The following MAST2 variants were observed in gnomAD, a reference collection of about 807,000 sequenced individuals.
MAST2 encodes microtubule-associated serine/threonine-protein kinase 2.
Under a neutral mutation model 147.4 loss-of-function variants are expected in MAST2, and 70 were observed. The observed-to-expected ratio is 0.47, with a 90% CI of 0.39 to 0.58. The LOEUF (loss-of-function observed/expected upper bound fraction) is 0.58, where lower values mean the gene tolerates loss of function less well. Ranked by LOEUF, MAST2 falls within the 20% of genes least tolerant of loss-of-function variation. The pLI is 0.00. For missense variants in MAST2, 2,080 were observed against 2,302.3 expected (o/e 0.90, Z 1.98); for synonymous variants, 869 against 896.8 (o/e 0.97, Z 0.55).
chr1:46,035,914 G>A lies in MAST2; in HGVS notation c.5245G>A (p.Ala1749Thr). 1 of 1,614,104 alleles carries A rather than the reference G, an allele frequency of 6.2e-7. No homozygotes were observed. The highest frequency in any genetic ancestry group is 8.5e-7 in the Non-Finnish European group (1 of 1,180,030). The stretch of plus-strand genomic sequence containing the variant: ...CCTGAGCATCACCCAAGTGCCTGAT[G>A]CCTCAGGTGACAGAAGGCAGGACGT... ...PALSITQVPD[A>T]SGDRRQDVPC... Residue 1749 changes from alanine (A) to threonine (T), a missense_variant, in exon 29 of 29, where the codon GCC (alanine) becomes ACC (threonine). Physicochemically the swap from Ala to Thr is moderately conservative, Grantham distance 58. Coordinates refer to ENST00000361297, the MANE Select transcript of MAST2 (RefSeq NM_015112.3). The surrounding 1 kb of genome is among the most constrained non-coding windows in gnomAD (Gnocchi z 5.5).
chr1:45,946,043 T>G (rs56140667), intron 4 of MAST2, among the ~76,000 whole-genome samples: 1 of 152,084 alleles, frequency 6.6e-6, no homozygotes, highest in Non-Finnish European at 1.5e-5. Context: ...AAAACCATTA[T>G]CTCCCTTTCC....
chr1:45,914,779 TA>T (rs973064835), intron 4 of MAST2, among the ~76,000 whole-genome samples: 3 of 151,932 alleles, frequency 2.0e-5, no homozygotes, highest in Admixed American at 2.0e-4. Flanking sequence ...TGACACACTT[TA>T]AAAAAAACCT....
At chr1:45,974,983 G>T (rs1226941114) in intron 5 of MAST2, among the ~76,000 whole-genome samples, 1 of 152,192 alleles carries the variant, frequency 6.6e-6, no homozygotes, top group Admixed American at 6.5e-5. Context: ...GTTGTAGTCT[G>T]ATGACATCAT....
intron 24 of MAST2, 51 bp from the exon 25 acceptor site, chr1:46,032,127 G>A (rs772725396): frequency 4.3e-6 from 6 of 1,409,486 alleles, no homozygotes; most frequent in Non-Finnish European, 5.0e-6. Context: ...CTGGACCAGG[G>A]GCCAGGCCAA....
intron 4 of MAST2, among the ~76,000 whole-genome samples, chr1:45,951,961 A>C (rs1387853343): frequency 6.6e-6 from 1 of 152,250 alleles, no homozygotes; most frequent in Non-Finnish European, 1.5e-5. Context: ...ACTATAATAA[A>C]TAAAAATAAA....
chr1:45,903,243 C>T (rs183822897), intron 4 of MAST2, among the ~76,000 whole-genome samples: 114 of 143,422 alleles, frequency 7.9e-4, no homozygotes, highest in African/African-American at 2.9e-3. Flanking sequence ...AATTCTTCTG[C>T]CTCAGCCTCT....
intron 10 of MAST2, among the ~76,000 whole-genome samples, chr1:46,014,030 C>A (rs1645826073): frequency 6.6e-6 from 1 of 151,882 alleles, no homozygotes; most frequent in South Asian, 2.1e-4. Flanking sequence ...CAAAAATAAT[C>A]CTAATTAGGC....
chr1:46,017,437 G>T (rs1226511758), intron 10 of MAST2, among the ~76,000 whole-genome samples: 6 of 152,096 alleles, frequency 3.9e-5, no homozygotes, highest in Admixed American at 2.0e-4. Flanking sequence ...CTGACAAAGG[G>T]CTAATATCCA....
intron 4 of MAST2, among the ~76,000 whole-genome samples, chr1:45,927,648 T>G (rs1298885545): frequency 6.6e-6 from 1 of 152,222 alleles, no homozygotes; most frequent in East Asian, 1.9e-4. Context: ...TTCAAGGTGC[T>G]CAGATTTCAT....
intron 10 of MAST2, chr1:46,011,218 A>G (rs1645701740): frequency 7.2e-6 from 3 of 414,708 alleles, no homozygotes; most frequent in South Asian, 2.7e-5. Flanking sequence ...GGTAGTAGTC[A>G]TAAGTATTTG....
At chr1:45,851,146 AG>A (rs1645611493) in intron 3 of MAST2, among the ~76,000 whole-genome samples, 1 of 151,948 alleles carries the variant, frequency 6.6e-6, no homozygotes, top group Non-Finnish European at 1.5e-5. Flanking sequence ...TTCTTTTAGC[AG>A]TGTTTGTAGT....
intron 3 of MAST2, among the ~76,000 whole-genome samples, chr1:45,855,224 A>G (rs1343768357): frequency 1.3e-5 from 2 of 152,172 alleles, no homozygotes; most frequent in African/African-American, 4.8e-5. Flanking sequence ...CTATCACCCA[A>G]TAAATTCTAA....
At chr1:45,993,683 CA>C (rs985091343) in intron 5 of MAST2, among the ~76,000 whole-genome samples, 4 of 151,638 alleles carry the variant, frequency 2.6e-5, no homozygotes, top group Admixed American at 6.6e-5. Flanking sequence ...GACTCCATCT[CA>C]AAAAAAAATT....
chr1:45,826,969 C>T (rs780231353), intron 2 of MAST2, among the ~76,000 whole-genome samples: 8 of 151,858 alleles, frequency 5.3e-5, no homozygotes, highest in Non-Finnish European at 1.0e-4. Flanking sequence ...GCTGGGACTA[C>T]AGGTGCCATG....
In MAST2 at chr1:46,034,775, A is replaced by G. The variant is rs1183255945; in HGVS notation, c.4106A>G (p.His1369Arg). 6.2e-7 allele frequency: 1 copy of G among 1,612,714 alleles called. No homozygotes were observed. The highest frequency in any genetic ancestry group is 8.5e-7 in the Non-Finnish European group (1 of 1,179,844). The change falls in exon 29 of 29, where the codon CAT becomes CGT. Residue 1369 changes from histidine (H) to arginine (R), a missense_variant. Around this residue, in one of 4 missense-constraint regions of MAST2, gnomAD observed 1,278 missense variants for 1,304.2 expected, o/e 0.98. Transcript: ENST00000361297. ...CGGTCCCCATCGCCCCTGTCTGGCCATGTAGCCCAGGCCTTTCCCACAAAG... is the reference window on the plus strand; with the variant it reads ...CGGTCCCCATCGCCCCTGTCTGGCCGTGTAGCCCAGGCCTTTCCCACAAAG... ...PQRSPSPLSGHVAQAFPTKLH... is the reference protein window; with the variant it reads ...PQRSPSPLSGRVAQAFPTKLH...
At position 46,032,715 on chromosome 1, in the gene MAST2, GA is replaced by G; in HGVS notation, c.3536del (p.Lys1179ArgfsTer104). On this transcript the variant is annotated frameshift_variant and splice_region_variant, in exon 26 of 29. Coordinates refer to ENST00000361297, the MANE Select transcript of MAST2 (RefSeq NM_015112.3). LOFTEE classifies it high-confidence loss of function. ...VHTEVVELIL[K>X]SGNKVAISTT... Reference sequence around the variant, plus strand: ...ACACGGAGGTGGTAGAGCTGATCCTGAAGGTTAGTGCTGGGCGTGCTGCCTG... The same window carrying G: ...ACACGGAGGTGGTAGAGCTGATCCTGAGGTTAGTGCTGGGCGTGCTGCCTG... 1 of 1,612,972 alleles carries G rather than the reference GA, an allele frequency of 6.2e-7. No individual in the cohort carries two copies. The highest frequency in any genetic ancestry group is 8.5e-7 in the Non-Finnish European group (1 of 1,179,238).
intron 5 of MAST2, among the ~76,000 whole-genome samples, chr1:45,976,627 A>G (rs1644171278): frequency 6.6e-6 from 1 of 152,226 alleles, no homozygotes; most frequent in Admixed American, 6.5e-5. Flanking sequence ...GTTTTTGGCC[A>G]TAAGAATTTG....
intron 26 of MAST2, 118 bp downstream of exon 26, chr1:46,032,836 T>A: frequency 7.1e-7 from 1 of 1,398,910 alleles, no homozygotes; most frequent in Non-Finnish European, 9.7e-7. Context: ...AGTATGGATG[T>A]AGGTACACAC....
intron 4 of MAST2, among the ~76,000 whole-genome samples, chr1:45,926,033 A>G (rs1654307297): frequency 6.6e-6 from 1 of 152,152 alleles, no homozygotes; most frequent in Non-Finnish European, 1.5e-5. Context: ...CACTATTTTC[A>G]TTTTACCAAC....
Sources: gnomAD v4.1 joint callset for allele counts (sites outside exome capture counted in the v4.1 genomes callset) on GRCh38, gnomAD v4.1.1 for gene constraint, gnomAD v4.1.1 regional missense constraint, Gnocchi (gnomAD v3.1) non-coding constraint, MANE v1.5 for transcripts, NCBI Gene and HGNC (gene_info 2026-07-23, HGNC 2026-07-21) for gene names.